Variants in GRB10 observed in about 807,000 individuals in gnomAD.
GRB10 encodes the protein growth factor receptor-bound protein 10.
GRB10 carries 20 observed loss-of-function variants against 80.9 expected under a neutral mutation model. That is an observed-to-expected ratio of 0.25 (90% CI 0.17 to 0.36). The LOEUF (loss-of-function observed/expected upper bound fraction) is 0.36, where lower values mean the gene tolerates loss of function less well. GRB10 is among the 10% of genes least tolerant of loss of function. The probability of loss-of-function intolerance (pLI) is 1.00; values close to 1 mark genes in which losing one functional copy is unlikely to be tolerated. For synonymous variants in GRB10, 291 were observed against 291.5 expected (o/e 1.00, Z 0.02); for missense variants, 548 against 747.7 (o/e 0.73, Z 3.12).
At chr7:50,730,683 T>G (rs1445694133) in intron 4 of GRB10, among the ~76,000 whole-genome samples, 1 of 152,154 alleles carries the variant, frequency 6.6e-6, no homozygotes, top group Non-Finnish European at 1.5e-5. Flanking sequence ...GCCTGGGGCA[T>G]CGGTGACTAC....
At chr7:50,637,228 A>G (rs1033825408) in intron 7 of GRB10, among the ~76,000 whole-genome samples, 2 of 152,240 alleles carry the variant, frequency 1.3e-5, no homozygotes, top group Non-Finnish European at 2.9e-5. Flanking sequence ...TCAGCCTCCC[A>G]AAGGGCTGGG....
intron 4 of GRB10, among the ~76,000 whole-genome samples, chr7:50,717,057 G>C (rs989288504): frequency 5.3e-5 from 8 of 152,178 alleles, no homozygotes; most frequent in Non-Finnish European, 8.8e-5. Flanking sequence ...CACTTTTATT[G>C]TAGGCAAATT....
rs958870642 is a variant in GRB10 at position 50,621,380 on chromosome 7, G to A, written c.662-2095C>T. ...TCCTGACAGAAGTGTGCTTTTCTGAGGCTGGTGACTCCAGAGGGCGCCTAC... is the reference window on the plus strand; with the variant it reads ...TCCTGACAGAAGTGTGCTTTTCTGAAGCTGGTGACTCCAGAGGGCGCCTAC... On this transcript the variant is annotated intron_variant, in intron 8 of 18. Transcript: ENST00000401949. Among the ~76,000 whole-genome samples, 4 of 152,248 alleles carry A rather than the reference G, an allele frequency of 2.6e-5. No individual in the cohort carries two copies. In the South Asian group the frequency reaches 8.3e-4, roughly 32 times the overall value.
intron 6 of GRB10, 151 bp downstream of exon 6, chr7:50,674,285 T>C (rs1315349651): frequency 1.3e-6 from 1 of 787,682 alleles, no homozygotes; most frequent in Non-Finnish European, 2.1e-6. Flanking sequence ...ACACTCAGTG[T>C]ATCCGTTATC....
chr7:50,611,522 G>A (rs918186550), intron 13 of GRB10, among the ~76,000 whole-genome samples: 1 of 152,128 alleles, frequency 6.6e-6, no homozygotes, highest in Non-Finnish European at 1.5e-5. Context: ...ATAAAATAAG[G>A]TTCTGGGAGA....
chr7:50,704,405 T>C (rs2064739240), intron 4 of GRB10, among the ~76,000 whole-genome samples: 3 of 152,298 alleles, frequency 2.0e-5, no homozygotes, highest in Middle Eastern at 3.4e-3. Context: ...TCAGGCAAAA[T>C]GTAAAACAGC....
chr7:50,625,126 G>C (rs1294149190), intron 8 of GRB10, among the ~76,000 whole-genome samples: 2 of 152,032 alleles, frequency 1.3e-5, no homozygotes, highest in Admixed American at 1.3e-4. Context: ...CCATATGATA[G>C]TCTAGAAATC....
chr7:50,642,609 C>T (rs776532556), intron 7 of GRB10, among the ~76,000 whole-genome samples: 16 of 152,032 alleles, frequency 1.1e-4, no homozygotes, highest in South Asian at 4.1e-4. Context: ...TCAACGGAAA[C>T]GCTCATTGGA....
At chr7:50,763,533 C>T (rs796266124) in intron 2 of GRB10, among the ~76,000 whole-genome samples, 7 of 152,300 alleles carry the variant, frequency 4.6e-5, no homozygotes, top group African/African-American at 1.7e-4. Context: ...GAAAGACTCA[C>T]ATGCATACAC....
At chr7:50,740,134 T>C (rs775060530) in intron 3 of GRB10, among the ~76,000 whole-genome samples, 4 of 152,206 alleles carry the variant, frequency 2.6e-5, no homozygotes, top group Non-Finnish European at 4.4e-5. Context: ...GAAATCTACA[T>C]TGAACGTGTG....
chr7:50,721,917 G>C (rs932639378), intron 4 of GRB10, among the ~76,000 whole-genome samples: 5 of 152,222 alleles, frequency 3.3e-5, no homozygotes, highest in African/African-American at 1.2e-4. Flanking sequence ...CAGGGAAATG[G>C]CCCAGGCCAA....
At chr7:50,792,460 C>T (rs2078967040) in intron 1 of GRB10, 1 of 398,572 alleles carries the variant, frequency 2.5e-6, no homozygotes, top group Non-Finnish European at 4.4e-6. Flanking sequence ...CCATAACGCA[C>T]ATGCTCCAAG....
intron 4 of GRB10, among the ~76,000 whole-genome samples, chr7:50,727,476 G>A (rs2068838405): frequency 6.6e-6 from 1 of 152,150 alleles, no homozygotes; most frequent in African/African-American, 2.4e-5. Flanking sequence ...ATTAGTCAAA[G>A]TTACTTAGAA....
At chr7:50,604,413 C>A (rs760491968) in intron 15 of GRB10, 36 bp from the exon 16 acceptor site, 2 of 1,535,460 alleles carry the variant, frequency 1.3e-6, no homozygotes, top group Non-Finnish European at 1.8e-6. Flanking sequence ...CCGAGGACAG[C>A]AGACAGACAC....
chr7:50,787,573 G>A (rs920077278), upstream of GRB10, among the ~76,000 whole-genome samples: 8 of 151,974 alleles, frequency 5.3e-5, no homozygotes, highest in African/African-American at 7.2e-5. Context: ...GGGCAGGGAC[G>A]GTGGGTCAGG....
At chr7:50,610,948 T>C (rs970191992) in intron 13 of GRB10, among the ~76,000 whole-genome samples, 1 of 152,160 alleles carries the variant, frequency 6.6e-6, no homozygotes, top group Non-Finnish European at 1.5e-5. Context: ...AGTAATAGAA[T>C]TCATAGCTTC....
chr7:50,785,576 G>A (rs1223544118), upstream of GRB10, among the ~76,000 whole-genome samples: 1 of 152,248 alleles, frequency 6.6e-6, no homozygotes, highest in Non-Finnish European at 1.5e-5. Context: ...AGGACTGGGA[G>A]CTCGTGACAC....
rs985809797 is a variant in GRB10 at position 50,710,991 on chromosome 7, C to G, written c.52-7083G>C. The G allele has an allele frequency of 7.3e-5, 87 of 1,198,926 alleles. No individual in the cohort carries two copies. The Admixed American group carries it at 1.3e-3, about 18-fold the overall frequency. The allele number at this position is 1,198,926 out of a possible 1,614,324, so 74.3% of individuals were successfully genotyped here. On this transcript the variant is annotated intron_variant, in intron 4 of 18. Coordinates refer to ENST00000401949, the MANE Select transcript of GRB10 (RefSeq NM_001350814.2). Reference sequence around the variant, plus strand: ...GCCCTGTGCACAATATTTTCAGAACCTGGAGAACGGCACAGAAGGCACACT... The same window carrying G: ...GCCCTGTGCACAATATTTTCAGAACGTGGAGAACGGCACAGAAGGCACACT...
At chr7:50,716,082 A>C (rs1399163165) in intron 4 of GRB10, among the ~76,000 whole-genome samples, 1 of 152,218 alleles carries the variant, frequency 6.6e-6, no homozygotes. Flanking sequence ...TCTCCAGCTG[A>C]GGATTAATGA....
Sources: allele counts gnomAD v4.1 joint callset (sites outside exome capture counted in the v4.1 genomes callset), GRCh38; gene constraint gnomAD v4.1.1; transcripts MANE v1.5; gene names NCBI Gene and HGNC (gene_info 2026-07-23, HGNC 2026-07-21).